Variants in ERICH1 observed in about 807,000 individuals in gnomAD.
ERICH1 encodes the protein glutamate-rich protein 1.
A neutral mutation model predicts 39.6 loss-of-function variants in ERICH1; 56 were observed. The ratio of observed to expected loss-of-function variants is 1.41; its 90% CI spans 1.14 to 1.77. The LOEUF is 1.77. ERICH1 is among the 40% of genes most tolerant of loss of function. The pLI is 0.00. For synonymous variants in ERICH1, 313 were observed against 223.6 expected (o/e 1.40, Z -3.57); for missense variants, 826 against 575.4 (o/e 1.44, Z -4.45).
At chr8:669,577 G>A (rs1703877) in intron 4 of ERICH1, among the ~76,000 whole-genome samples, 8 of 107,822 alleles carry the variant, frequency 7.4e-5, no homozygotes, top group East Asian at 2.2e-4. Flanking sequence ...CCGTCTACAC[G>A]TCTGTCTGGT....
At chr8:629,297 A>G (rs1393986004) in intron 3 of ERICH1, among the ~76,000 whole-genome samples, 1 of 152,144 alleles carries the variant, frequency 6.6e-6, no homozygotes, top group Non-Finnish European at 1.5e-5. Flanking sequence ...CAGCTGACTC[A>G]CACCCTCCCG....
intron 3 of ERICH1, among the ~76,000 whole-genome samples, chr8:628,108 CA>C (rs769204838): frequency 5.7e-4 from 87 of 152,338 alleles, no homozygotes; most frequent in Admixed American, 1.2e-3. Flanking sequence ...GGAAGGAAAG[CA>C]GGTGCCATGA....
chr8:674,094 T>A (rs377004556), intron 3 of ERICH1, 47 bp from the exon 4 acceptor site: 22 of 1,493,176 alleles, frequency 1.5e-5, no homozygotes, highest in Non-Finnish European at 1.9e-5. Context: ...AATGAAACCA[T>A]AACAAACATA....
chr8:670,956 C>T (rs116734612), intron 4 of ERICH1, among the ~76,000 whole-genome samples: 19 of 142,320 alleles, frequency 1.3e-4, no homozygotes, highest in African/African-American at 5.0e-4. Flanking sequence ...CCAACCTCTG[C>T]ACCTGCCAGC....
intron 3 of ERICH1, among the ~76,000 whole-genome samples, chr8:616,768 CAG>C (rs1350484557): frequency 2.3e-4 from 9 of 39,294 alleles, no homozygotes; most frequent in African/African-American, 1.8e-3. Context: ...GAGAGGAAGA[CAG>C]AGAGAGGGAG....
chr8:625,485 G>T (rs2117060260), intron 3 of ERICH1, among the ~76,000 whole-genome samples: 1 of 152,258 alleles, frequency 6.6e-6, no homozygotes. Context: ...GGGTCTGGGT[G>T]CATGGTGAGG....
chr8:626,173 G>T (rs375165492), intron 3 of ERICH1: 1 of 152,152 alleles, frequency 6.6e-6, no homozygotes, highest in Non-Finnish European at 1.5e-5. Flanking sequence ...TTTTAAAGAT[G>T]AGCAAAAATA....
chr8:635,449 G>A (rs1170059910), intron 3 of ERICH1, among the ~76,000 whole-genome samples: 1 of 152,198 alleles, frequency 6.6e-6, no homozygotes, highest in Non-Finnish European at 1.5e-5. Context: ...TGTGAGAGGG[G>A]CTGTCTAGGG....
At chr8:683,834 G>A (rs139631603) in intron 3 of ERICH1, among the ~76,000 whole-genome samples, 1 of 152,148 alleles carries the variant, frequency 6.6e-6, no homozygotes, top group Admixed American at 6.5e-5. Flanking sequence ...TCTGCCTTCT[G>A]AATACTTACT....
chr8:624,567 C>T (rs570106991), intron 3 of ERICH1, among the ~76,000 whole-genome samples: 1 of 151,832 alleles, frequency 6.6e-6, no homozygotes, highest in East Asian at 1.9e-4. Context: ...GCTCACAGTT[C>T]TGCAGGCTGT....
At chr8:723,365 T>C (rs1320352972) in intron 1 of ERICH1, among the ~76,000 whole-genome samples, 3 of 152,364 alleles carry the variant, frequency 2.0e-5, no homozygotes, top group Admixed American at 2.0e-4. Flanking sequence ...AAAATCAGTT[T>C]ATAACATTCC....
Position 715,086 on chromosome 8 carries a change from G to A in ERICH1, c.169+775C>T, listed in dbSNP as rs532665809. 4.0e-5 allele frequency among the ~76,000 whole-genome samples: 6 copies of A among 151,790 alleles called. No individual in the cohort carries two copies. The East Asian group carries it at 5.9e-4, about 15-fold the overall frequency. ...TGCCGCACCCAGGTGGTCTATTCCC[G>A]TGTCTCTCAGTGGGATGTGTTACAT... On this transcript the variant is annotated intron_variant, in intron 2 of 5. Transcript: ENST00000262109.
At chr8:665,667 T>C (rs932327150) in intron 5 of ERICH1, among the ~76,000 whole-genome samples, 4 of 152,222 alleles carry the variant, frequency 2.6e-5, no homozygotes, top group African/African-American at 9.6e-5. Flanking sequence ...ACTCAGGGAA[T>C]GGCAGCTACT....
At chr8:682,136 G>A (rs1468521600) in intron 3 of ERICH1, among the ~76,000 whole-genome samples, 1 of 151,874 alleles carries the variant, frequency 6.6e-6, no homozygotes, top group African/African-American at 2.4e-5. Context: ...GGTGGTCCCT[G>A]CACCTAGGGT....
rs1193738149 is a variant in ERICH1 at position 692,546 on chromosome 8, A to G, written c.236T>C (p.Val79Ala). The change falls in exon 3 of 6, where the codon GTC (valine) becomes GCC (alanine). Residue 79 changes from valine (V) to alanine (A), a missense_variant. Coordinates refer to ENST00000262109, the MANE Select transcript of ERICH1 (RefSeq NM_207332.3). Reference sequence around the variant, plus strand: ...GCTGCTGGGCTCCGGCCAACAGGGGACGTAGCCCTCAGGAGGCCCGCTGGC... The same window carrying G: ...GCTGCTGGGCTCCGGCCAACAGGGGGCGTAGCCCTCAGGAGGCCCGCTGGC... Reference protein sequence around the residue: ...YTASGPPEGYVPCWPEPSSCG... With the variant: ...YTASGPPEGYAPCWPEPSSCG... The G allele has an allele frequency of 6.2e-7, 1 of 1,613,470 alleles. No individual in the cohort carries two copies. Among genetic ancestry groups the G allele is most frequent in the African/African-American group, 1.3e-5 (1 of 74,806 alleles).
intron 4 of ERICH1, among the ~76,000 whole-genome samples, chr8:670,586 G>A (rs565147486): frequency 3.9e-4 from 60 of 152,288 alleles, no homozygotes; most frequent in East Asian, 3.9e-4. Context: ...TGCTGGGCTC[G>A]AGGGTCAGGC....
intron 3 of ERICH1, among the ~76,000 whole-genome samples, chr8:678,552 T>G (rs1264604171): frequency 3.3e-5 from 5 of 152,174 alleles, no homozygotes; most frequent in African/African-American, 1.2e-4. Flanking sequence ...TACTAAACAT[T>G]TAAAGAAAAA....
chr8:662,460 C>T (rs1801564248), downstream of ERICH1, among the ~76,000 whole-genome samples: 1 of 128,368 alleles, frequency 7.8e-6, no homozygotes, highest in Non-Finnish European at 1.5e-5. Context: ...ACCAGCCTGA[C>T]CAACATGGAG....
intron 3 of ERICH1, among the ~76,000 whole-genome samples, chr8:617,641 TC>T (rs1304634907): frequency 1.3e-5 from 2 of 151,324 alleles, no homozygotes; most frequent in African/African-American, 4.9e-5. Context: ...ACTTGGTCCA[TC>T]CTCACTGCTG....
Sources: allele counts gnomAD v4.1 joint callset (sites outside exome capture counted in the v4.1 genomes callset), GRCh38; gene constraint gnomAD v4.1.1; transcripts MANE v1.5; gene names NCBI Gene and HGNC (gene_info 2026-07-23, HGNC 2026-07-21).